The following EMC3 variants were observed in gnomAD, a reference collection of about 807,000 sequenced individuals.
EMC3 encodes the protein 30 kDa protein.
EMC3 carries 13 observed loss-of-function variants against 36.6 expected under a neutral mutation model. That is an observed-to-expected ratio of 0.35 (90% confidence interval 0.23 to 0.56). The LOEUF is 0.56. EMC3 is among the 20% of genes least tolerant of loss of function. EMC3 has a pLI of 0.84. For synonymous variants in EMC3, 120 were observed against 111.9 expected, an observed-to-expected ratio of 1.07 and a Z score of -0.46; for missense variants, 220 against 324.5, an observed-to-expected ratio of 0.68 and a Z score of 2.47.
Position 9,975,736 on chromosome 3 carries a change from C to T in EMC3, c.307+1221G>A, listed in dbSNP as rs536432705. 9.4e-5 allele frequency among the ~76,000 whole-genome samples: 14 copies of T among 148,488 alleles called. No homozygotes were observed. In the East Asian group the frequency reaches 1.4e-3, roughly 15 times the overall value. Reference sequence around the variant, plus strand: ...CTGAGGCAGGAGAATCGCGTGAACCCGGGAGGCGGAGCCTGCAGTGAGCCG... The same window carrying T: ...CTGAGGCAGGAGAATCGCGTGAACCTGGGAGGCGGAGCCTGCAGTGAGCCG... On this transcript the variant is annotated intron_variant, in intron 3 of 7. Coordinates refer to ENST00000245046, the MANE Select transcript of EMC3 (RefSeq NM_001394674.1).
chr3:9,989,623 T>A (rs909738116), upstream of EMC3, among the ~76,000 whole-genome samples: 2 of 152,172 alleles, frequency 1.3e-5, no homozygotes, highest in Admixed American at 1.3e-4. Context: ...TGATGATGAA[T>A]AAAGCAATGA....
intron 5 of EMC3, among the ~76,000 whole-genome samples, chr3:9,973,192 G>T (rs7636817): frequency 0.23 from 33,870 of 149,484 alleles, 4,404 homozygotes; most frequent in African/African-American, 0.36. Context: ...TTCGTTTTTT[G>T]TTTGTTTGTT....
chr3:9,989,717 C>T (rs1374468848), upstream of EMC3, among the ~76,000 whole-genome samples: 1 of 152,168 alleles, frequency 6.6e-6, no homozygotes, highest in East Asian at 1.9e-4. Flanking sequence ...ACAAATTTAA[C>T]ACCTTGACTG....
In EMC3 at chr3:9,970,515, T is replaced by C. The variant is rs577005517; in HGVS notation, c.574+67A>G. On this transcript the variant is annotated intron_variant, in intron 6 of 7. Coordinates refer to ENST00000245046, the MANE Select transcript of EMC3 (RefSeq NM_001394674.1). ...ACAAACAGCACAACCTACAAGACTT[T>C]TCTGGCTCTAATATGGATGATTCAT... 37 of 1,532,040 alleles carry C rather than the reference T, an allele frequency of 2.4e-5. No individual in the cohort carries two copies. In the African/African-American group the frequency reaches 4.8e-4, roughly 20 times the overall value. The allele number at this position is 1,532,040 out of a possible 1,614,324, so 94.9% of individuals were successfully genotyped here. A position where few individuals can be genotyped will look rare whatever the true frequency, so the allele number is the denominator to read the frequency against.
At chr3:9,968,392 G>C (rs954144571) in intron 7 of EMC3, among the ~76,000 whole-genome samples, 17 of 152,200 alleles carry the variant, frequency 1.1e-4, no homozygotes, top group African/African-American at 3.9e-4. Context: ...TCTTTAGGAT[G>C]ATCTACATAC....
chr3:10,004,527 A>T (rs1214275225), intron 1 of EMC3: 1 of 152,266 alleles, frequency 6.6e-6, no homozygotes, highest in East Asian at 1.9e-4. Context: ...CTCTACATTG[A>T]AGTTTCCACC....
intron 1 of EMC3, among the ~76,000 whole-genome samples, chr3:9,981,073 C>T (rs148931299): frequency 0.048 from 7,341 of 152,136 alleles, 595 homozygotes; most frequent in African/African-American, 0.17. Flanking sequence ...GGTGCAGTGG[C>T]GTGTGCCTGT....
chr3:10,010,775 C>T (rs900394313), intron 1 of EMC3: 3 of 152,628 alleles, frequency 2.0e-5, no homozygotes, highest in African/African-American at 7.2e-5. Flanking sequence ...TTAGTGCCCC[C>T]TCCCCACCCT....
At chr3:10,000,461 T>C (rs2124936297) in intron 1 of EMC3, among the ~76,000 whole-genome samples, 1 of 152,344 alleles carries the variant, frequency 6.6e-6, no homozygotes, top group South Asian at 2.1e-4. Context: ...GAATTACTAT[T>C]AAAATTCAAA....
intron 1 of EMC3, among the ~76,000 whole-genome samples, chr3:9,999,472 C>T (rs1431267226): frequency 1.3e-5 from 2 of 152,144 alleles, no homozygotes; most frequent in African/African-American, 4.8e-5. Context: ...ATCTCTTGAC[C>T]TCGTGATCTG....
chr3:9,988,346 A>AT (rs1307731194), upstream of EMC3: 16 of 965,714 alleles, frequency 1.7e-5, no homozygotes, highest in South Asian at 1.2e-4. Context: ...TAGAAGAGTA[A>AT]TTTTTTTCCT....
intron 1 of EMC3, chr3:10,006,904 C>T (rs773590557): frequency 5.1e-5 from 17 of 333,394 alleles, no homozygotes; most frequent in Non-Finnish European, 6.5e-5. Flanking sequence ...CCCAGGTTGT[C>T]GTCTGCCCGG....
chr3:9,997,009 A>G (rs866130213), intron 1 of EMC3, among the ~76,000 whole-genome samples: 17 of 152,220 alleles, frequency 1.1e-4, no homozygotes, highest in Middle Eastern at 6.8e-3. Context: ...AATGTTATAC[A>G]ACCATTACCA....
At chr3:9,995,531 G>A (rs1575696259) in intron 1 of EMC3, among the ~76,000 whole-genome samples, 1 of 150,744 alleles carries the variant, frequency 6.6e-6, no homozygotes. Context: ...TGATTTTAAC[G>A]AAGTAGAGAT....
chr3:10,000,821 C>G (rs1345405703), intron 1 of EMC3: 52 of 491,542 alleles, frequency 1.1e-4, no homozygotes, highest in Non-Finnish European at 2.0e-4. Flanking sequence ...AATCCAACAG[C>G]CTGACCTGTC....
chr3:9,969,313 C>T (rs2085762026), intron 7 of EMC3: 1 of 1,106,588 alleles, frequency 9.0e-7, no homozygotes, highest in South Asian at 2.1e-5. Context: ...GATTTTGTCC[C>T]ACAAAAATCA....
intron 1 of EMC3, among the ~76,000 whole-genome samples, chr3:9,982,954 C>T (rs983598390): frequency 5.3e-5 from 8 of 151,922 alleles, no homozygotes; most frequent in African/African-American, 1.9e-4. Context: ...TAGGCTGGTT[C>T]AGCATGTACA....
In EMC3 at chr3:9,976,981, C is replaced by A; in HGVS notation, c.283G>T (p.Val95Leu). The A allele has an allele frequency of 1.2e-6, 2 of 1,612,516 alleles. No individual in the cohort carries two copies. The highest frequency in any genetic ancestry group is 1.7e-6 in the Non-Finnish European group (2 of 1,179,588). Residue 95 changes from valine to leucine, a missense_variant, in exon 3 of 8, where the codon GTA becomes TTA. Physicochemically the swap from Val to Leu is conservative, Grantham distance 32. Transcript: ENST00000245046. ...CCAGTCATAGGAGAAGGTGGCACTACCTTCCGTTTAGTTTTTTTGAAAAAT... is the reference window on the plus strand; with the variant it reads ...CCAGTCATAGGAGAAGGTGGCACTAACTTCCGTTTAGTTTTTTTGAAAAAT... ...DGFFKKTKRKVVPPSPMTDPT... is the reference protein window; with the variant it reads ...DGFFKKTKRKLVPPSPMTDPT...
chr3:9,974,618 G>A (rs1212920028), intron 3 of EMC3, 130 bp from the exon 4 acceptor site: 2 of 592,332 alleles, frequency 3.4e-6, no homozygotes, highest in East Asian at 3.2e-5. Flanking sequence ...GAGTGCAGTG[G>A]TGCGATCTCA....
Sources: gnomAD v4.1 joint callset for allele counts (sites outside exome capture counted in the v4.1 genomes callset) on GRCh38, gnomAD v4.1.1 for gene constraint, MANE v1.5 for transcripts, NCBI Gene and HGNC (gene_info 2026-07-23, HGNC 2026-07-21) for gene names.